MAP3K1: variants seen among roughly 807,000 people sequenced by gnomAD.
MAP3K1 encodes mitogen-activated protein kinase kinase kinase 1.
MAP3K1 carries 36 observed loss-of-function variants against 144.2 expected under a neutral mutation model. The observed-to-expected ratio is 0.25, with a 90% CI of 0.19 to 0.33. The LOEUF (loss-of-function observed/expected upper bound fraction) is 0.33. MAP3K1 is among the 10% of genes least tolerant of loss of function. MAP3K1 has a pLI of 1.00. For missense variants in MAP3K1, 1,650 were observed against 1,881.9 expected (o/e 0.88, Z 2.28); for synonymous variants, 718 against 688.7 (o/e 1.04, Z -0.67).
At chr5:56,816,818 C>T (rs540897214) in intron 1 of MAP3K1, among the ~76,000 whole-genome samples, 1 of 152,362 alleles carries the variant, frequency 6.6e-6, no homozygotes, top group South Asian at 2.1e-4. Context: ...CCTGGGAATG[C>T]GAACTGCACT....
At chr5:56,833,026 C>T (rs185964955) in intron 1 of MAP3K1, among the ~76,000 whole-genome samples, 15 of 152,218 alleles carry the variant, frequency 9.9e-5, no homozygotes, top group Admixed American at 2.0e-4. Context: ...CATGCATCAC[C>T]GCACCCAGAT....
Position 56,882,491 on chromosome 5 carries a change from T to C in MAP3K1, c.3291T>C (p.Cys1097=). 1 of 1,614,136 alleles carries C rather than the reference T, an allele frequency of 6.2e-7. No homozygotes were observed. Among genetic ancestry groups the C allele is most frequent in the South Asian group, 1.1e-5 (1 of 91,082 alleles). The part of the protein sequence containing the change: ...SSSKCDDSFG[C]SSNSSNAVIP... ...CCAAATGTGATGACAGCTTTGGCTG[T>C]AGCAGCAATAGTAGTAATGCTGTTA... The change falls in exon 14 of 20, where the codon TGT becomes TGC. Residue 1097 remains cysteine (C), a synonymous_variant. Transcript: ENST00000399503.
chr5:56,818,718 T>C (rs1294661504), intron 1 of MAP3K1, among the ~76,000 whole-genome samples: 1 of 152,198 alleles, frequency 6.6e-6, no homozygotes, highest in African/African-American at 2.4e-5. Flanking sequence ...CAGCCTATTG[T>C]GAGTTTGGTA....
intron 3 of MAP3K1, among the ~76,000 whole-genome samples, chr5:56,861,656 A>G (rs1747518524): frequency 6.6e-6 from 1 of 151,880 alleles, no homozygotes; most frequent in African/African-American, 2.4e-5. Context: ...TTTCTTTCAT[A>G]TACTTTAATC....
intron 15 of MAP3K1, 138 bp from the exon 16 acceptor site, chr5:56,884,526 G>GCAA (rs1001929091): frequency 4.0e-6 from 3 of 746,358 alleles, no homozygotes; most frequent in Non-Finnish European, 6.9e-6. Context: ...GTTTGACTTG[G>GCAA]GTTTGTTTAA....
intron 1 of MAP3K1, among the ~76,000 whole-genome samples, chr5:56,845,648 T>A (rs2111829295): frequency 6.6e-6 from 1 of 152,288 alleles, no homozygotes; most frequent in East Asian, 1.9e-4. Flanking sequence ...TTTTGTTTTG[T>A]TTTTAAAAAC....
At position 56,895,549 on chromosome 5, in the gene MAP3K1, A is replaced by G. The variant is rs1294419239; in HGVS notation, c.*1869A>G. The stretch of plus-strand genomic sequence containing the variant: ...ATAAACTGAGGAACCTCAGCTAATC[A>G]GTATTACTTTGTAGATCACCATGCC... On this transcript the variant is annotated 3_prime_UTR_variant, in exon 20 of 20. Coordinates refer to ENST00000399503, the MANE Select transcript of MAP3K1 (RefSeq NM_005921.2). 3 of 232,120 alleles carry G rather than the reference A, an allele frequency of 1.3e-5. No individual in the cohort carries two copies. In the South Asian group the frequency reaches 5.4e-4, roughly 42 times the overall value. The allele number at this position is 232,120 out of a possible 1,614,324, so 14.4% of individuals were successfully genotyped here. A position where few individuals can be genotyped will look rare whatever the true frequency, so the allele number is the denominator to read the frequency against.
Position 56,815,672 on chromosome 5 carries a change from G to A in MAP3K1, c.99G>A (p.Ala33=). 3 of 1,309,948 alleles carry A rather than the reference G, an allele frequency of 2.3e-6. No homozygotes were observed. The highest frequency in any genetic ancestry group is 2.8e-4 in the Middle Eastern group (1 of 3,516). The allele number at this position is 1,309,948 out of a possible 1,614,324, so 81.1% of individuals were successfully genotyped here. ...EAGGGGGALK[A]SSAPAAAAGL... is the part of the protein sequence containing the mutation. The stretch of plus-strand genomic sequence containing the variant: ...GCGGCGGCGGAGGAGCCCTCAAGGC[G>A]AGCAGCGCGCCCGCGGCTGCCGCGG... The change falls in exon 1 of 20, where the codon GCG becomes GCA. Residue 33 remains alanine, a synonymous_variant. Coordinates refer to ENST00000399503, the MANE Select transcript of MAP3K1 (RefSeq NM_005921.2).
chr5:56,883,287 A>G (rs1385896988), intron 14 of MAP3K1, among the ~76,000 whole-genome samples: 1 of 152,238 alleles, frequency 6.6e-6, no homozygotes, highest in Non-Finnish European at 1.5e-5. Flanking sequence ...ATTATTACTT[A>G]TACAACAATA....
At position 56,856,259 on chromosome 5, in the gene MAP3K1, TC is replaced by T. The variant is rs550068104; in HGVS notation, c.483-339del. Among the ~76,000 whole-genome samples, 1,143 of 152,320 alleles carry T rather than the reference TC, an allele frequency of 7.5e-3. 6 individuals carry two copies. Among genetic ancestry groups the T allele is most frequent in the Non-Finnish European group, 0.014 (929 of 68,024 alleles). On this transcript the variant is annotated intron_variant, in intron 1 of 19. Coordinates refer to ENST00000399503, the MANE Select transcript of MAP3K1 (RefSeq NM_005921.2). ...CTGTATTGACTTAATTTATTGGAAA[TC>T]CTGGGATAAAAGTGTAGTAATACAC...
rs1219038286 is a variant in MAP3K1 at position 56,815,779 on chromosome 5, A to G, written c.206A>G (p.Glu69Gly). 1.6e-5 allele frequency: 22 copies of G among 1,418,794 alleles called. No homozygotes were observed. The highest frequency in any genetic ancestry group is 1.9e-5 in the Non-Finnish European group (21 of 1,083,212). The allele number at this position is 1,418,794 out of a possible 1,614,324, so 87.9% of individuals were successfully genotyped here. The change falls in exon 1 of 20, where the codon GAG (glutamate) becomes GGG (glycine). Residue 69 changes from glutamate to glycine, a missense_variant. Physicochemically the swap from Glu to Gly is moderately conservative, Grantham distance 98. Coordinates refer to ENST00000399503, the MANE Select transcript of MAP3K1 (RefSeq NM_005921.2). ...RRQLRKVRSV[E>G]LDQLPEQPLF... ...CAGCTGCGCAAAGTGCGGAGTGTGG[A>G]GCTGGACCAGCTGCCTGAGCAGCCG... is the stretch of plus-strand genomic sequence containing the variant.
rs898868510 is a variant in MAP3K1, at chr5:56,816,127, C to T, written c.482+72C>T. ...GAGGGCAATGAATGAACCCCGGGCA[C>T]CATGCACGGCGTCCCGGGGTTCAGC... On this transcript the variant is annotated intron_variant, in intron 1 of 19. Transcript: ENST00000399503. 7.3e-5 allele frequency: 85 copies of T among 1,162,984 alleles called. 1 individual carries two copies. In the African/African-American group the frequency reaches 1.3e-3, roughly 17 times the overall value. The allele number at this position is 1,162,984 out of a possible 1,614,324, so 72.0% of individuals were successfully genotyped here. A position where few individuals can be genotyped will look rare whatever the true frequency, so the allele number is the denominator to read the frequency against.
At chr5:56,828,871 CAT>C (rs1260072849) in intron 1 of MAP3K1, among the ~76,000 whole-genome samples, 1 of 97,672 alleles carries the variant, frequency 1.0e-5, no homozygotes, top group Non-Finnish European at 2.4e-5. Flanking sequence ...TGTAAATAAA[CAT>C]GTATGCATCT....
At chr5:56,871,760 A>G in intron 6 of MAP3K1, 150 bp from the exon 7 acceptor site, 4 of 672,374 alleles carry the variant, frequency 5.9e-6, no homozygotes, top group South Asian at 3.5e-5. Context: ...CTGTATATTA[A>G]TAGTGTAAAT....
Position 56,883,749 on chromosome 5 carries a change from T to C in MAP3K1, c.3819+70T>C, listed in dbSNP as rs1360153911. The C allele has an allele frequency of 2.7e-6, 4 of 1,494,376 alleles. No homozygotes were observed. The African/African-American group carries it at 5.5e-5, about 21-fold the overall frequency. 92.6% of individuals were successfully genotyped at this position (1,494,376 alleles called of 1,614,324 possible). On this transcript the variant is annotated intron_variant, in intron 15 of 19. Coordinates refer to ENST00000399503, the MANE Select transcript of MAP3K1 (RefSeq NM_005921.2). ...AATGAAGCATGTTCAGTAAAAAGAA[T>C]AAAGGATATGTCCACGTGTGTGTAC...
At position 56,896,055 on chromosome 5, in the gene MAP3K1, A is replaced by G. The variant is rs1044692584; in HGVS notation, c.*2375A>G. 4.4e-6 allele frequency: 1 copy of G among 227,698 alleles called. No individual in the cohort carries two copies. The highest frequency in any genetic ancestry group is 8.7e-6 in the Non-Finnish European group (1 of 115,162). 14.1% of individuals were successfully genotyped at this position (227,698 alleles called of 1,614,324 possible). On this transcript the variant is annotated 3_prime_UTR_variant, in exon 20 of 20. Transcript: ENST00000399503. ...TTTGTTATTTTAAATATATTGAGAT[A>G]TTTTAATTAAAATTTTTACCCCATT... is the stretch of plus-strand genomic sequence containing the variant.
chr5:56,860,249 C>T (rs1344928938), intron 3 of MAP3K1, among the ~76,000 whole-genome samples: 2 of 152,118 alleles, frequency 1.3e-5, no homozygotes, highest in East Asian at 3.9e-4. Context: ...AAAAAAATGC[C>T]AGTTACACTT....
At chr5:56,864,029 A>G (rs910754213) in intron 3 of MAP3K1, among the ~76,000 whole-genome samples, 1 of 152,232 alleles carries the variant, frequency 6.6e-6, no homozygotes, top group Non-Finnish European at 1.5e-5. Context: ...AGATTAATAA[A>G]GCCTTCAATA....
intron 1 of MAP3K1, among the ~76,000 whole-genome samples, chr5:56,830,936 A>G (rs1250769686): frequency 6.6e-6 from 1 of 150,698 alleles, no homozygotes; most frequent in Non-Finnish European, 1.5e-5. Context: ...TTTGTAATGC[A>G]CTATGAGAGA....
Sources: allele counts gnomAD v4.1 joint callset (sites outside exome capture counted in the v4.1 genomes callset), GRCh38; gene constraint gnomAD v4.1.1; transcripts MANE v1.5; gene names NCBI Gene and HGNC (gene_info 2026-07-23, HGNC 2026-07-21).